Variants in MAPK11 observed in about 807,000 individuals in gnomAD.
MAPK11 encodes mitogen-activated protein kinase 11.
In MAPK11, 44 loss-of-function variants were observed where a neutral mutation model predicts 52.2. The observed-to-expected ratio is 0.84, with a 90% CI of 0.66 to 1.08. MAPK11 has a LOEUF of 1.08. MAPK11 is among the 50% of genes least tolerant of loss of function. The probability of loss-of-function intolerance (pLI) is 0.00; values close to 1 mark genes in which losing one functional copy is unlikely to be tolerated. For missense variants in MAPK11, 436 were observed against 494.7 expected (o/e 0.88, Z 1.13); for synonymous variants, 233 against 206.3 (o/e 1.13, Z -1.11).
At position 50,266,591 on chromosome 22, in the gene MAPK11, A is replaced by G; in HGVS notation, c.631T>C (p.Cys211Arg). The G allele has an allele frequency of 6.5e-7, 1 of 1,527,706 alleles. No homozygotes were observed. Among genetic ancestry groups the G allele is most frequent in the Non-Finnish European group, 8.8e-7 (1 of 1,138,994 alleles). The allele number at this position is 1,527,706 out of a possible 1,614,324, so 94.6% of individuals were successfully genotyped here. ...CCCTGGAGCAGCTCAGCCATGATGC[A>G]GCCCACGGACCAGATATCCACTGTG... ...NQTVDIWSVGCIMAELLQGKA... is the reference protein window; with the variant it reads ...NQTVDIWSVGRIMAELLQGKA... The change falls in exon 8 of 12, where the codon TGC becomes CGC. Residue 211 changes from cysteine to arginine, a missense_variant. Physicochemically the swap from Cys to Arg is radical, Grantham distance 180. Coordinates refer to ENST00000330651, the MANE Select transcript of MAPK11 (RefSeq NM_002751.7).
rs2065298044 is a variant in MAPK11 at position 50,270,217 on chromosome 22, CCTGCAGCCG to C, written c.67_75del (p.Arg23_Gln25del). ...GCGCCGGAGCCCACCGGGCGCAGCC[CCTGCAGCCG>C]CTGCGGCACCTCCCACACGGTCTTG... On this transcript the variant is annotated inframe_deletion, in exon 1 of 12. Transcript: ENST00000330651. The surrounding 1 kb of genome is among the most constrained non-coding windows in gnomAD (Gnocchi z 6.3). 2 of 1,507,540 alleles carry C rather than the reference CCTGCAGCCG, an allele frequency of 1.3e-6. No homozygotes were observed. Among genetic ancestry groups the C allele is most frequent in the Non-Finnish European group, 8.8e-7 (1 of 1,134,364 alleles). 93.4% of individuals were successfully genotyped at this position (1,507,540 alleles called of 1,614,324 possible). A position where few individuals can be genotyped will look rare whatever the true frequency, so the allele number is the denominator to read the frequency against.
chr22:50,265,104 C>G (rs1296744555), intron 11 of MAPK11, 77 bp from the exon 12 acceptor site: 1 of 1,342,892 alleles, frequency 7.4e-7, no homozygotes, highest in Non-Finnish European at 1.0e-6. Context: ...CACCTGCCAC[C>G]CAGCCCAGGC....
intron 8 of MAPK11, 54 bp from the exon 9 acceptor site, chr22:50,266,359 C>A: frequency 6.5e-7 from 1 of 1,543,482 alleles, no homozygotes; most frequent in Admixed American, 1.9e-5. Flanking sequence ...CCTGGGCCCC[C>A]AGACCCAAAA....
rs1320463180 is a variant in MAPK11 at position 50,266,954 on chromosome 22, CA to C, written c.589del (p.Trp197GlyfsTer36). 1 of 1,611,120 alleles carries C rather than the reference CA, an allele frequency of 6.2e-7. No homozygotes were observed. The highest frequency in any genetic ancestry group is 8.5e-7 in the Non-Finnish European group (1 of 1,179,972). ...WYRAPEIMLNWMHYNQTVDIW... is the reference protein window; with the variant it reads ...WYRAPEIMLNXMHYNQTVDIW... The stretch of plus-strand genomic sequence containing the variant: ...TGCACCTGTTTGGTTGTAATGCATC[CA>C]GTTGAGCATGATCTCAGGTGCCCGG... On this transcript the variant is annotated frameshift_variant, in exon 7 of 12. Transcript: ENST00000330651. LOFTEE classifies it high-confidence loss of function.
At chr22:50,266,502 C>A in intron 8 of MAPK11, 38 bp downstream of exon 8, 2 of 1,505,864 alleles carry the variant, frequency 1.3e-6, no homozygotes, top group Admixed American at 2.3e-5. Context: ...CAGGAGGGGC[C>A]CTGTTTGACC....
chr22:50,267,290 CG>C lies in MAPK11; in HGVS notation c.418-5del. 6.2e-7 allele frequency: 1 copy of C among 1,600,572 alleles called. No individual in the cohort carries two copies. Reference sequence around the variant, plus strand: ...TGATCCCGGCCGAGTGGATGTACTGCGGGAGGGGGATTGTGGTGAGCGCCGG... The same window carrying C: ...TGATCCCGGCCGAGTGGATGTACTGCGGAGGGGGATTGTGGTGAGCGCCGG... On this transcript the variant is annotated splice_polypyrimidine_tract_variant and splice_region_variant and intron_variant, in intron 4 of 11. Coordinates refer to ENST00000330651, the MANE Select transcript of MAPK11 (RefSeq NM_002751.7).
In MAPK11 at chr22:50,263,854, C is replaced by G. The variant is rs966997130; in HGVS notation, c.*1094G>C. ...TCAGCTCTGGGCAGGGTCCCGTCTCCGAGGTTACTGGATCAGCTCCATCCT... is the reference window on the plus strand; with the variant it reads ...TCAGCTCTGGGCAGGGTCCCGTCTCGGAGGTTACTGGATCAGCTCCATCCT... On this transcript the variant is annotated 3_prime_UTR_variant, in exon 12 of 12. Coordinates refer to ENST00000330651, the MANE Select transcript of MAPK11 (RefSeq NM_002751.7). 1 of 152,350 alleles carries G rather than the reference C, an allele frequency of 6.6e-6. No individual in the cohort carries two copies. The highest frequency in any genetic ancestry group is 1.5e-5 in the Non-Finnish European group (1 of 68,160). The allele number at this position is 152,350 out of a possible 1,614,324, so 9.4% of individuals were successfully genotyped here. A position where few individuals can be genotyped will look rare whatever the true frequency, so the allele number is the denominator to read the frequency against.
Position 50,267,888 on chromosome 22 carries a change from G to A in MAPK11, c.178C>T (p.Gln60Ter). The A allele has an allele frequency of 6.3e-7, 1 of 1,589,460 alleles. No individual in the cohort carries two copies. The highest frequency in any genetic ancestry group is 8.5e-7 in the Non-Finnish European group (1 of 1,170,498). The change falls in exon 2 of 12, where the codon CAG becomes TAG. Residue 60 changes from glutamine to a stop codon, truncating the protein, a stop_gained. Coordinates refer to ENST00000330651, the MANE Select transcript of MAPK11 (RefSeq NM_002751.7). LOFTEE classifies it high-confidence loss of function. ...VAVKKLSRPF[Q>*]SLIHARRTYR... ...GTTCTGCGCGCGTGGATCAGCGACT[G>A]GAAGGGGCGCGACAGCTTCTTCACC...
Position 50,270,179 on chromosome 22 carries a change from G to T in MAPK11, c.114C>A (p.Val38=). ...RPVGSGAYGS[V]CSAYDARLRQ... The stretch of plus-strand genomic sequence containing the variant: ...CACCCCTTCTGCCCCGCCCCTACCA[G>T]ACGGAGCCGTAGGCGCCGGAGCCCA... The change falls in exon 1 of 12, where the codon GTC becomes GTA. Residue 38 remains valine (V), a splice_region_variant and synonymous_variant. Transcript: ENST00000330651. This position sits in a 1 kb window ranked among gnomAD's most constrained non-coding sequence, Gnocchi z 6.3. 7.0e-7 allele frequency: 1 copy of T among 1,436,846 alleles called. No homozygotes were observed. 89.0% of individuals were successfully genotyped at this position (1,436,846 alleles called of 1,614,324 possible).
Position 50,270,374 on chromosome 22 carries a change from G to A in MAPK11, c.-82C>T, listed in dbSNP as rs1391973052. 1 of 344,840 alleles carries A rather than the reference G, an allele frequency of 2.9e-6. No homozygotes were observed. The highest frequency in any genetic ancestry group is 4.1e-6 in the Non-Finnish European group (1 of 245,866). 21.4% of individuals were successfully genotyped at this position (344,840 alleles called of 1,614,324 possible). ...GAGCCGAGCCCGAGCCGAGCGGAGC[G>A]GAGGGCGGCGGAGGCGGCGGCGGCG... On this transcript the variant is annotated 5_prime_UTR_variant, in exon 1 of 12. Coordinates refer to ENST00000330651, the MANE Select transcript of MAPK11 (RefSeq NM_002751.7). The surrounding 1 kb of genome is among the most constrained non-coding windows in gnomAD (Gnocchi z 6.3).
Position 50,266,330 on chromosome 22 carries a change from G to A in MAPK11, c.683-25C>T, listed in dbSNP as rs376396529. 13 of 1,590,750 alleles carry A rather than the reference G, an allele frequency of 8.2e-6. No homozygotes were observed. The African/African-American group carries it at 1.5e-4, about 18-fold the overall frequency. ...TCTGTGTCACTCAGGAAACACCCAC[G>A]GGCCAGCCACAGACCCCTCCTGGGC... On this transcript the variant is annotated intron_variant, in intron 8 of 11. Transcript: ENST00000330651.
chr22:50,268,122 G>A (rs1195809090), intron 1 of MAPK11, among the ~76,000 whole-genome samples, 173 bp from the exon 2 acceptor site: 1 of 152,098 alleles, frequency 6.6e-6, no homozygotes. Context: ...TACCCACTCC[G>A]CGCTTGCTGG....
intron 9 of MAPK11, 99 bp downstream of exon 9, chr22:50,266,127 T>A: frequency 1.0e-6 from 1 of 971,464 alleles, no homozygotes; most frequent in Non-Finnish European, 1.5e-6. Flanking sequence ...CATCCCATGT[T>A]CCCCATATGG....
chr22:50,270,064 C>T lies in MAPK11; in HGVS notation c.116+113G>A, dbSNP rs964334824. On this transcript the variant is annotated intron_variant, in intron 1 of 11. Coordinates refer to ENST00000330651, the MANE Select transcript of MAPK11 (RefSeq NM_002751.7). The surrounding 1 kb of genome is among the most constrained non-coding windows in gnomAD (Gnocchi z 6.3). ...CTCAGATCCGCTTGGCGCCCGGGGGCGGAGGCAGGGCGAGGCCCCTCCCCA... is the reference window on the plus strand; with the variant it reads ...CTCAGATCCGCTTGGCGCCCGGGGGTGGAGGCAGGGCGAGGCCCCTCCCCA... 3 of 329,060 alleles carry T rather than the reference C, an allele frequency of 9.1e-6. No homozygotes were observed. Among genetic ancestry groups the T allele is most frequent in the African/African-American group, 6.7e-5 (3 of 44,820 alleles). 20.4% of individuals were successfully genotyped at this position (329,060 alleles called of 1,614,324 possible).
Position 50,267,800 on chromosome 22 carries a change from A to T in MAPK11, c.246+20T>A. ...CCGCCCCCGCACGCGCCCTCCCCCC[A>T]CGGCCCTCCCCCGGCTCACGTTCTC... On this transcript the variant is annotated intron_variant, in intron 2 of 11. Transcript: ENST00000330651. 3 of 985,228 alleles carry T rather than the reference A, an allele frequency of 3.0e-6. No homozygotes were observed. Among genetic ancestry groups the T allele is most frequent in the Non-Finnish European group, 4.1e-6 (3 of 723,930 alleles). 61.0% of individuals were successfully genotyped at this position (985,228 alleles called of 1,614,324 possible).
intron 2 of MAPK11, 28 bp from the exon 3 acceptor site, chr22:50,267,655 G>A (rs1394625004): frequency 1.3e-6 from 2 of 1,519,000 alleles, no homozygotes; most frequent in African/African-American, 2.8e-5. Context: ...TCAGGGCCGG[G>A]CGACGAACCC....
chr22:50,265,794 A>C, intron 9 of MAPK11, 134 bp from the exon 10 acceptor site: 2 of 623,790 alleles, frequency 3.2e-6, no homozygotes, highest in South Asian at 2.0e-5. Context: ...CAGACCAGTG[A>C]CCCCCTCCAT....
chr22:50,264,625 G>GAC lies in MAPK11; in HGVS notation c.*322_*323insGT. 1 of 257,406 alleles carries GAC rather than the reference G, an allele frequency of 3.9e-6. No homozygotes were observed. Among genetic ancestry groups the GAC allele is most frequent in the South Asian group, 6.2e-5 (1 of 16,064 alleles). The allele number at this position is 257,406 out of a possible 1,614,324, so 15.9% of individuals were successfully genotyped here. On this transcript the variant is annotated 3_prime_UTR_variant, in exon 12 of 12. Coordinates refer to ENST00000330651, the MANE Select transcript of MAPK11 (RefSeq NM_002751.7). ...CCCTTGGGTCGGCCTGGGACAGACA[G>GAC]GGGAACTCCGCAGGGGAACCCCTTT...
In MAPK11 at chr22:50,264,292, G is replaced by A. The variant is rs2065245431; in HGVS notation, c.*656C>T. On this transcript the variant is annotated 3_prime_UTR_variant, in exon 12 of 12. Coordinates refer to ENST00000330651, the MANE Select transcript of MAPK11 (RefSeq NM_002751.7). ...GATTCACACGCACCACATCACATGTGCCCTGACATATGAACACGGGGAGTG... is the reference window on the plus strand; with the variant it reads ...GATTCACACGCACCACATCACATGTACCCTGACATATGAACACGGGGAGTG... 1 of 152,344 alleles carries A rather than the reference G, an allele frequency of 6.6e-6. No individual in the cohort carries two copies. Among genetic ancestry groups the A allele is most frequent in the Admixed American group, 6.5e-5 (1 of 15,292 alleles). The allele number at this position is 152,344 out of a possible 1,614,324, so 9.4% of individuals were successfully genotyped here.
Sources: gnomAD v4.1 joint callset for allele counts (sites outside exome capture counted in the v4.1 genomes callset) on GRCh38, gnomAD v4.1.1 for gene constraint, Gnocchi (gnomAD v3.1) non-coding constraint, MANE v1.5 for transcripts, NCBI Gene and HGNC (gene_info 2026-07-23, HGNC 2026-07-21) for gene names.